The following SYNPR variants were observed in gnomAD, a reference collection of about 807,000 sequenced individuals.
SYNPR encodes synaptoporin.
Under a neutral mutation model 32.9 loss-of-function variants are expected in SYNPR, and 23 were observed. That is an observed-to-expected ratio of 0.70 (90% CI 0.50 to 0.99). The LOEUF (loss-of-function observed/expected upper bound fraction) is 0.99, where lower values mean the gene tolerates loss of function less well. SYNPR is among the 50% of genes least tolerant of loss of function. The pLI, the probability that SYNPR is intolerant of heterozygous loss-of-function variation, is 0.00. For synonymous variants in SYNPR, 146 were observed against 135.9 expected (o/e 1.07, Z -0.52); for missense variants, 318 against 349.3 (o/e 0.91, Z 0.71).
chr3:63,589,198 A>C (rs1378636706), intron 4 of SYNPR, among the ~76,000 whole-genome samples: 1 of 152,008 alleles, frequency 6.6e-6, no homozygotes, highest in Non-Finnish European at 1.5e-5. Context: ...AAAACCTAAA[A>C]AGATCCTGGA....
chr3:63,465,546 A>G (rs1443312717), intron 2 of SYNPR, among the ~76,000 whole-genome samples: 1 of 152,160 alleles, frequency 6.6e-6, no homozygotes, highest in African/African-American at 2.4e-5. Context: ...TTTTAATGAA[A>G]AATTTCAAAC....
At chr3:63,304,457 A>G (rs1523440) in intron 2 of SYNPR, among the ~76,000 whole-genome samples, 48,191 of 151,718 alleles carry the variant, frequency 0.32, 7,996 homozygotes, top group South Asian at 0.46. Context: ...TATGAGCAAA[A>G]GAGAGACCAG....
chr3:63,340,419 A>ATTT (rs60297238), intron 2 of SYNPR, among the ~76,000 whole-genome samples: 93 of 128,492 alleles, frequency 7.2e-4, no homozygotes, highest in African/African-American at 1.7e-3. Flanking sequence ...AAAAAAATGT[A>ATTT]TTTTTTTTTT....
intron 1 of SYNPR, among the ~76,000 whole-genome samples, chr3:63,234,275 C>T (rs147632052): frequency 1.2e-4 from 18 of 152,202 alleles, no homozygotes; most frequent in South Asian, 6.2e-4. Flanking sequence ...AAAAACAGCA[C>T]GGGAAAGACT....
chr3:63,571,759 G>A (rs1206228996), intron 4 of SYNPR, among the ~76,000 whole-genome samples: 1 of 152,044 alleles, frequency 6.6e-6, no homozygotes, highest in Non-Finnish European at 1.5e-5. Context: ...GTATTCCTAA[G>A]GTGCTTAGTG....
At chr3:63,603,359 G>A (rs147044339) in intron 4 of SYNPR, among the ~76,000 whole-genome samples, 56 of 152,152 alleles carry the variant, frequency 3.7e-4, no homozygotes, top group African/African-American at 1.2e-3. Context: ...TGATTGCTCC[G>A]GCTAGGACTT....
At chr3:63,245,031 G>A (rs974324976) in intron 1 of SYNPR, among the ~76,000 whole-genome samples, 2 of 152,104 alleles carry the variant, frequency 1.3e-5, no homozygotes, top group Non-Finnish European at 2.9e-5. Flanking sequence ...ATAAAAGAAA[G>A]ACGTTTTCTG....
intron 2 of SYNPR, among the ~76,000 whole-genome samples, chr3:63,324,213 G>C (rs568469793): frequency 1.1e-4 from 17 of 152,194 alleles, no homozygotes; most frequent in African/African-American, 3.9e-4. Flanking sequence ...CTCATTTTAA[G>C]ATGAGTGAAC....
At chr3:63,396,442 C>G (rs2088213750) in intron 2 of SYNPR, among the ~76,000 whole-genome samples, 2 of 152,186 alleles carry the variant, frequency 1.3e-5, no homozygotes, top group African/African-American at 2.4e-5. Flanking sequence ...TCAGTCGCTC[C>G]TTCCCAAGAC....
At chr3:63,231,303 A>G (rs1330244881) in intron 1 of SYNPR, among the ~76,000 whole-genome samples, 1 of 152,058 alleles carries the variant, frequency 6.6e-6, no homozygotes, top group African/African-American at 2.4e-5. Context: ...CATAAATGAT[A>G]TAATCGACTC....
intron 2 of SYNPR, among the ~76,000 whole-genome samples, chr3:63,434,953 G>A (rs1383997781): frequency 6.6e-6 from 1 of 152,220 alleles, no homozygotes; most frequent in Non-Finnish European, 1.5e-5. Context: ...CAGAAAGAGT[G>A]AATCTACTGC....
chr3:63,293,881 A>G (rs980243104), intron 2 of SYNPR, among the ~76,000 whole-genome samples: 4 of 152,206 alleles, frequency 2.6e-5, no homozygotes, highest in South Asian at 4.1e-4. Context: ...CCTCATCTTA[A>G]CTAATCATAT....
At chr3:63,483,283 C>A (rs1701082471) in intron 3 of SYNPR, among the ~76,000 whole-genome samples, 1 of 151,938 alleles carries the variant, frequency 6.6e-6, no homozygotes, top group African/African-American at 2.4e-5. Flanking sequence ...ATGTCCTAGG[C>A]AGAAGTTTTA....
At chr3:63,222,473 T>C in the SYNPR span, among the ~76,000 whole-genome samples, 4 of 152,234 alleles carry the variant, frequency 2.6e-5, no homozygotes, top group South Asian at 2.1e-4. Flanking sequence ...TAAGAGAGGA[T>C]AGTACCATTA....
chr3:63,461,282 A>C (rs1023779626), intron 2 of SYNPR, among the ~76,000 whole-genome samples: 2 of 152,140 alleles, frequency 1.3e-5, no homozygotes, highest in Non-Finnish European at 2.9e-5. Flanking sequence ...CATTATAATA[A>C]TCATTATCAT....
chr3:63,329,524 T>C (rs993494307), intron 2 of SYNPR, among the ~76,000 whole-genome samples: 4 of 152,182 alleles, frequency 2.6e-5, no homozygotes, highest in Non-Finnish European at 1.5e-5. Context: ...TTAATTTCCC[T>C]GAATTAGAGA....
rs1559552466 is a variant in SYNPR at position 63,615,549 on chromosome 3, T to C, written c.*68T>C. 2 of 1,550,970 alleles carry C rather than the reference T, an allele frequency of 1.3e-6. No individual in the cohort carries two copies. Among genetic ancestry groups the C allele is most frequent in the Non-Finnish European group, 1.7e-6 (2 of 1,149,574 alleles). The stretch of plus-strand genomic sequence containing the variant: ...CCATTTCAGTGGCAGAAGAATTTTT[T>C]AAGGGTTTCAATCAATTATTAATGC... On this transcript the variant is annotated 3_prime_UTR_variant, in exon 6 of 6. Transcript: ENST00000478300.
At chr3:63,331,599 G>C (rs955344826) in intron 2 of SYNPR, among the ~76,000 whole-genome samples, 3 of 152,088 alleles carry the variant, frequency 2.0e-5, no homozygotes, top group Non-Finnish European at 4.4e-5. Flanking sequence ...AAGGCCAGTA[G>C]TCTAGAAGGG....
chr3:63,275,682 C>A (rs1289927001), upstream of SYNPR, among the ~76,000 whole-genome samples: 1 of 152,154 alleles, frequency 6.6e-6, no homozygotes, highest in Non-Finnish European at 1.5e-5. Context: ...GTTACATAGC[C>A]ATTCTAAGGC....
Sources: gnomAD v4.1 joint callset for allele counts (sites outside exome capture counted in the v4.1 genomes callset) on GRCh38, gnomAD v4.1.1 for gene constraint, MANE v1.5 for transcripts, NCBI Gene and HGNC (gene_info 2026-07-23, HGNC 2026-07-21) for gene names.